MYZAP: variants seen among roughly 807,000 people sequenced by gnomAD.
MYZAP encodes GRINL1A complex locus upstream.
A neutral mutation model predicts 69.4 loss-of-function variants in MYZAP; 66 were observed. That is an observed-to-expected ratio of 0.95 (90% CI 0.78 to 1.17). The LOEUF (loss-of-function observed/expected upper bound fraction) is 1.17, where lower values mean the gene tolerates loss of function less well. MYZAP is among the 50% of genes most tolerant of loss of function. The pLI is 0.00. For missense variants in MYZAP, 611 were observed against 556.2 expected, an observed-to-expected ratio of 1.10 and a Z score of -0.99; for synonymous variants, 256 against 205.9, an observed-to-expected ratio of 1.24 and a Z score of -2.09.
chr15:57,663,457 G>C (rs2038411042), intron 11 of MYZAP, among the ~76,000 whole-genome samples: 2 of 152,216 alleles, frequency 1.3e-5, no homozygotes, highest in Non-Finnish European at 2.9e-5. Context: ...AGACAGGGAA[G>C]GGAAGAGAGC....
At chr15:57,598,485 G>A (rs573502847) in intron 1 of MYZAP, among the ~76,000 whole-genome samples, 23 of 152,262 alleles carry the variant, frequency 1.5e-4, no homozygotes, top group Admixed American at 3.9e-4. Flanking sequence ...GCTAAGCACC[G>A]TAGGGGCTAT....
intron 1 of MYZAP, among the ~76,000 whole-genome samples, chr15:57,603,434 G>A (rs1311014951): frequency 1.3e-5 from 2 of 152,054 alleles, no homozygotes; most frequent in Non-Finnish European, 2.9e-5. Flanking sequence ...CATCTATCTC[G>A]AGGATTTTTT....
intron 6 of MYZAP, 78 bp from the exon 7 acceptor site, chr15:57,632,356 A>G: frequency 6.3e-7 from 1 of 1,595,690 alleles, no homozygotes; most frequent in Admixed American, 1.7e-5. Flanking sequence ...GTGAGTCCCC[A>G]CATGAAATGT....
chr15:57,603,858 T>C (rs1401542634), intron 1 of MYZAP, among the ~76,000 whole-genome samples: 3 of 152,152 alleles, frequency 2.0e-5, no homozygotes, highest in Non-Finnish European at 2.9e-5. Context: ...TGTAGAAAAA[T>C]TAAATATATA....
chr15:57,594,829 T>C (rs532129314), intron 1 of MYZAP, among the ~76,000 whole-genome samples: 4 of 152,342 alleles, frequency 2.6e-5, no homozygotes, highest in East Asian at 3.9e-4. Flanking sequence ...GAAAGTAAAA[T>C]TGTAGACCAA....
At chr15:57,596,783 G>A (rs1031156667) in intron 1 of MYZAP, among the ~76,000 whole-genome samples, 1 of 152,108 alleles carries the variant, frequency 6.6e-6, no homozygotes, top group East Asian at 1.9e-4. Flanking sequence ...CCGAGCTTTC[G>A]ATGCCGTTCC....
At chr15:57,626,007 T>A in intron 5 of MYZAP, 115 bp downstream of exon 5, 1 of 914,234 alleles carries the variant, frequency 1.1e-6, no homozygotes, top group Non-Finnish European at 1.7e-6. Flanking sequence ...CAGAATTCTT[T>A]AAGCAGAACC....
At chr15:57,613,245 T>A (rs2035224762) in intron 2 of MYZAP, among the ~76,000 whole-genome samples, 1 of 152,034 alleles carries the variant, frequency 6.6e-6, no homozygotes, top group Admixed American at 6.5e-5. Context: ...CCTTTTATTT[T>A]CAAGCAAATT....
intron 10 of MYZAP, among the ~76,000 whole-genome samples, chr15:57,649,320 C>T (rs1317193046): frequency 6.6e-6 from 1 of 152,218 alleles, no homozygotes. Context: ...CCACCAGTCA[C>T]ATGTGAGAGG....
Position 57,661,606 on chromosome 15 carries a change from C to T in MYZAP, c.1203+73C>T, listed in dbSNP as rs1308811729. The T allele has an allele frequency of 1.1e-5, 14 of 1,292,528 alleles. No individual in the cohort carries two copies. The Admixed American group carries it at 2.7e-4, about 25-fold the overall frequency. The allele number at this position is 1,292,528 out of a possible 1,614,324, so 80.1% of individuals were successfully genotyped here. On this transcript the variant is annotated intron_variant, in intron 11 of 12. Transcript: ENST00000267853. ...TTTATGTTGCTAAGCCTACCACCGA[C>T]ACTTAATTAAAAATATGGCTATTTC...
intron 10 of MYZAP, among the ~76,000 whole-genome samples, chr15:57,658,864 T>A (rs1310809341): frequency 2.0e-5 from 3 of 152,204 alleles, no homozygotes; most frequent in Non-Finnish European, 4.4e-5. Flanking sequence ...TCATAGAAAT[T>A]GCAAAATTGT....
chr15:57,621,745 G>T (rs1211065490), intron 4 of MYZAP, 45 bp downstream of exon 4: 7 of 1,595,390 alleles, frequency 4.4e-6, no homozygotes, highest in Admixed American at 3.4e-5. Flanking sequence ...GGCATGGCAG[G>T]CTCAGAGTGG....
chr15:57,630,880 G>T (rs1255747403), intron 6 of MYZAP, among the ~76,000 whole-genome samples: 5 of 152,218 alleles, frequency 3.3e-5, no homozygotes, highest in African/African-American at 1.2e-4. Flanking sequence ...GTGAAAGGTG[G>T]TACTATTGGT....
At chr15:57,618,881 A>T (rs1158245040) in intron 3 of MYZAP, among the ~76,000 whole-genome samples, 1 of 152,100 alleles carries the variant, frequency 6.6e-6, no homozygotes, top group Non-Finnish European at 1.5e-5. Context: ...GGAAGAGGAG[A>T]TGGCCTGCTC....
intron 1 of MYZAP, among the ~76,000 whole-genome samples, chr15:57,599,946 A>G (rs1466896895): frequency 2.0e-5 from 3 of 152,206 alleles, no homozygotes; most frequent in East Asian, 1.9e-4. Flanking sequence ...TCTTCCCGAC[A>G]TATTTTCTCC....
intron 8 of MYZAP, among the ~76,000 whole-genome samples, chr15:57,636,845 C>G (rs151279870): frequency 4.4e-4 from 67 of 152,318 alleles, no homozygotes; most frequent in African/African-American, 1.5e-3. Context: ...TAGCAAATTT[C>G]CACAAGGTTA....
At chr15:57,672,261 C>T (rs1287635282) in intron 11 of MYZAP, among the ~76,000 whole-genome samples, 2 of 152,172 alleles carry the variant, frequency 1.3e-5, no homozygotes, top group Non-Finnish European at 1.5e-5. Context: ...GATGATCTTT[C>T]TGTTAATATT....
chr15:57,605,866 G>A (rs536032161), intron 2 of MYZAP, among the ~76,000 whole-genome samples: 8 of 152,182 alleles, frequency 5.3e-5, no homozygotes, highest in East Asian at 1.9e-4. Context: ...GCTTTCACTG[G>A]CCAAAATGGG....
chr15:57,635,643 A>G (rs949218036), intron 8 of MYZAP, among the ~76,000 whole-genome samples: 8 of 152,206 alleles, frequency 5.3e-5, no homozygotes, highest in African/African-American at 1.9e-4. Context: ...GAAATGCTCT[A>G]TTTATTGAAC....
Sources: allele counts gnomAD v4.1 joint callset (sites outside exome capture counted in the v4.1 genomes callset), GRCh38; gene constraint gnomAD v4.1.1; transcripts MANE v1.5; gene names NCBI Gene and HGNC (gene_info 2026-07-23, HGNC 2026-07-21).